The following SYMPK variants were observed in gnomAD, a reference collection of about 807,000 sequenced individuals.
SYMPK encodes symplekin.
Under a neutral mutation model 136.4 loss-of-function variants are expected in SYMPK, and 49 were observed. That is an observed-to-expected ratio of 0.36 (90% CI 0.29 to 0.46). The LOEUF (loss-of-function observed/expected upper bound fraction) is 0.46. Among genes scored for constraint, SYMPK ranks in the 20% least tolerant of loss-of-function variants. The probability of loss-of-function intolerance (pLI) is 1.00; values close to 1 mark genes in which losing one functional copy is unlikely to be tolerated. For missense variants in SYMPK, 1,365 were observed against 1,690.0 expected (o/e 0.81, Z 3.37); for synonymous variants, 766 against 713.0 (o/e 1.07, Z -1.19).
intron 9 of SYMPK, among the ~76,000 whole-genome samples, chr19:45,840,956 T>G (rs1971420994): frequency 6.6e-6 from 1 of 152,058 alleles, no homozygotes; most frequent in South Asian, 2.1e-4. Context: ...TGAAAAAACA[T>G]AGTAAGATCC....
intron 25 of SYMPK, 110 bp downstream of exon 25, chr19:45,816,370 CAG>C: frequency 1.4e-6 from 2 of 1,404,384 alleles, no homozygotes; most frequent in Non-Finnish European, 1.9e-6. Flanking sequence ...GGCCCAGAGG[CAG>C]GGGTGGCCTG....
chr19:45,836,529 G>A (rs1971305242), intron 10 of SYMPK, among the ~76,000 whole-genome samples: 2 of 151,670 alleles, frequency 1.3e-5, no homozygotes. Flanking sequence ...TACTCGGGAG[G>A]CTGAGGCAGG....
rs1038679837 is a variant in SYMPK at position 45,828,869 on chromosome 19, G to T, written c.1985+101C>A. 2.6e-6 allele frequency: 3 copies of T among 1,154,280 alleles called. No individual in the cohort carries two copies. The African/African-American group carries it at 4.6e-5, about 18-fold the overall frequency. 71.5% of individuals were successfully genotyped at this position (1,154,280 alleles called of 1,614,324 possible). On this transcript the variant is annotated intron_variant, in intron 14 of 26. Transcript: ENST00000245934. ...GGATGGGTGCGAGGAGGACTGACTC[G>T]GGGGGTGACGAAGAGGGAGGTGGTC...
chr19:45,826,486 C>T, intron 16 of SYMPK, 113 bp from the exon 17 acceptor site: 1 of 1,190,934 alleles, frequency 8.4e-7, no homozygotes, highest in Non-Finnish European at 1.2e-6. Context: ...TGAGAAGGGG[C>T]AGCCCAGCTG....
intron 12 of SYMPK, chr19:45,831,158 C>T (rs1971159786): frequency 2.7e-6 from 1 of 374,428 alleles, no homozygotes; most frequent in East Asian, 3.8e-5. Context: ...TAATTTTAGA[C>T]ATAAAAAAGG....
Position 45,823,564 on chromosome 19 carries a change from A to G in SYMPK, c.2600-92T>C, listed in dbSNP as rs988772957. On this transcript the variant is annotated intron_variant, in intron 19 of 26. Coordinates refer to ENST00000245934, the MANE Select transcript of SYMPK (RefSeq NM_004819.3). Reference sequence around the variant, plus strand: ...AGGAAAGAGAAGCAGGCAGGTGTGCAGGAAGGGATGGCAACTTCACCCTTG... The same window carrying G: ...AGGAAAGAGAAGCAGGCAGGTGTGCGGGAAGGGATGGCAACTTCACCCTTG... 14 of 1,260,506 alleles carry G rather than the reference A, an allele frequency of 1.1e-5. No homozygotes were observed. The African/African-American group carries it at 1.8e-4, about 16-fold the overall frequency. 78.1% of individuals were successfully genotyped at this position (1,260,506 alleles called of 1,614,324 possible).
At chr19:45,840,312 CAAAAAAAA>C (rs546768442) in intron 9 of SYMPK, among the ~76,000 whole-genome samples, 22 of 57,138 alleles carry the variant, frequency 3.9e-4, no homozygotes, top group African/African-American at 8.5e-4. Flanking sequence ...GAGACTGTCT[CAAAAAAAA>C]AAAAAAAAAA....
At chr19:45,818,294 C>T (rs1024274887) in intron 22 of SYMPK, 148 bp from the exon 23 acceptor site, 10 of 782,082 alleles carry the variant, frequency 1.3e-5, no homozygotes, top group African/African-American at 5.3e-5. Context: ...GAGACTCCCC[C>T]GACCCAGCAG....
In SYMPK at chr19:45,816,002, C is replaced by G. The variant is rs772219368; in HGVS notation, c.3536G>C (p.Arg1179Pro). ...TTCCTCAGACGGGGGCGGGCCTGGC[C>G]GGGCCGACGGAGAGGGAGAGGGGGA... ...SSSPSPSPSA[R>P]PGPPPSEEAM... Residue 1179 changes from arginine (R) to proline (P), a missense_variant, in exon 26 of 27, where the codon CGG (arginine) becomes CCG (proline). This residue lies in a region of SYMPK where 341 missense variants were observed against 270.5 expected (regional missense o/e 1.26). Transcript: ENST00000245934. 6.2e-7 allele frequency: 1 copy of G among 1,601,892 alleles called. No homozygotes were observed. The highest frequency in any genetic ancestry group is 1.1e-5 in the South Asian group (1 of 89,276).
At chr19:45,834,847 T>C (rs1288401549) in intron 11 of SYMPK, among the ~76,000 whole-genome samples, 6 of 152,214 alleles carry the variant, frequency 3.9e-5, no homozygotes, top group Admixed American at 2.0e-4. Flanking sequence ...GTCATACAGA[T>C]ATTAAGTGGA....
chr19:45,854,079 T>A, intron 3 of SYMPK, 96 bp downstream of exon 3: 1 of 1,190,732 alleles, frequency 8.4e-7, no homozygotes. Context: ...ACTGAGTGTG[T>A]AAATGTGGAC....
intron 3 of SYMPK, 141 bp downstream of exon 3, chr19:45,854,034 G>A (rs1971757270): frequency 1.3e-6 from 1 of 769,288 alleles, no homozygotes; most frequent in Admixed American, 2.1e-5. Flanking sequence ...AACTAGAAGA[G>A]CAGAGGCCTG....
At chr19:45,852,453 C>T (rs772070172) in intron 4 of SYMPK, 29 bp downstream of exon 4, 1 of 1,614,226 alleles carries the variant, frequency 6.2e-7, no homozygotes. Flanking sequence ...CCCTACACCA[C>T]ACCCCTTTCT....
intron 11 of SYMPK, among the ~76,000 whole-genome samples, chr19:45,832,333 G>C (rs578214775): frequency 6.6e-6 from 1 of 151,746 alleles, no homozygotes; most frequent in African/African-American, 2.4e-5. Flanking sequence ...GTAGAGACGG[G>C]GTTTCACCAC....
At chr19:45,823,925 G>A in intron 18 of SYMPK, 50 bp from the exon 19 acceptor site, 1 of 1,515,760 alleles carries the variant, frequency 6.6e-7, no homozygotes, top group Non-Finnish European at 9.0e-7. Flanking sequence ...GCTTAGGGGA[G>A]GGTCAGGTGT....
At chr19:45,853,110 C>T (rs1052256618) in intron 3 of SYMPK, among the ~76,000 whole-genome samples, 17 of 152,218 alleles carry the variant, frequency 1.1e-4, no homozygotes, top group South Asian at 2.1e-4. Context: ...TATTGCTAAA[C>T]GGCCTCATGA....
intron 1 of SYMPK, among the ~76,000 whole-genome samples, chr19:45,856,295 A>G (rs12609371): frequency 0.36 from 55,337 of 151,768 alleles, 10,275 homozygotes; most frequent in East Asian, 0.53. Context: ...AGCCGAGATC[A>G]TGCCACTGCA....
chr19:45,857,004 C>G (rs138700571), intron 1 of SYMPK, among the ~76,000 whole-genome samples: 2,721 of 150,480 alleles, frequency 0.018, 77 homozygotes, highest in African/African-American at 0.061. Context: ...TATAATCCCA[C>G]CTACTTGGGA....
intron 11 of SYMPK, among the ~76,000 whole-genome samples, chr19:45,832,412 G>A (rs1971203941): frequency 6.6e-6 from 1 of 152,110 alleles, no homozygotes; most frequent in Admixed American, 6.6e-5. Flanking sequence ...AAAGTGCTGG[G>A]ACTACAGGTG....
Sources: gnomAD v4.1 joint callset for allele counts (sites outside exome capture counted in the v4.1 genomes callset) on GRCh38, gnomAD v4.1.1 for gene constraint, gnomAD v4.1.1 regional missense constraint, MANE v1.5 for transcripts, NCBI Gene and HGNC (gene_info 2026-07-23, HGNC 2026-07-21) for gene names.